The following NEGR1 variants were observed in gnomAD, a reference collection of about 807,000 sequenced individuals.
The protein encoded by NEGR1 is IgLON family member 4.
A neutral mutation model predicts 40.9 loss-of-function variants in NEGR1; 10 were observed. That is an observed-to-expected ratio of 0.24 (90% CI 0.15 to 0.42). The LOEUF (loss-of-function observed/expected upper bound fraction) is 0.42. Ranked by LOEUF, NEGR1 falls within the 10% of genes least tolerant of loss-of-function variation. The pLI, the probability that NEGR1 is intolerant of heterozygous loss-of-function variation, is 1.00. For missense variants in NEGR1, 352 were observed against 438.9 expected (o/e 0.80, Z 1.77); for synonymous variants, 185 against 166.8 (o/e 1.11, Z -0.84).
intron 6 of NEGR1, among the ~76,000 whole-genome samples, chr1:71,559,869 C>A (rs1033341781): frequency 2.6e-5 from 4 of 151,208 alleles, no homozygotes; most frequent in African/African-American, 9.7e-5. Context: ...ATTCCAAATG[C>A]TATGCGTATT....
At chr1:71,765,830 C>A (rs1419967607) in intron 3 of NEGR1, among the ~76,000 whole-genome samples, 1 of 152,116 alleles carries the variant, frequency 6.6e-6, no homozygotes, top group East Asian at 1.9e-4. Flanking sequence ...TACAAGTGAT[C>A]AATGACTGTT....
intron 1 of NEGR1, among the ~76,000 whole-genome samples, chr1:72,192,134 AT>A (rs1387029447): frequency 1.3e-5 from 2 of 151,926 alleles, no homozygotes; most frequent in East Asian, 3.9e-4. Flanking sequence ...TGCTTGGGAT[AT>A]TCATAGAGCT....
rs368971588 is a variant in NEGR1 at position 72,149,765 on chromosome 1, C to T, written c.176+132554G>A. 1.5e-4 allele frequency among the ~76,000 whole-genome samples: 23 copies of T among 151,252 alleles called. No homozygotes were observed. The East Asian group carries it at 4.3e-3, about 28-fold the overall frequency. On this transcript the variant is annotated intron_variant, in intron 1 of 6. Coordinates refer to ENST00000357731, the MANE Select transcript of NEGR1 (RefSeq NM_173808.3). ...GGCATAGTGGCACATGACTGTAACGCCAGCTACTCAGGAGGTGAGGCAGAA... is the reference window on the plus strand; with the variant it reads ...GGCATAGTGGCACATGACTGTAACGTCAGCTACTCAGGAGGTGAGGCAGAA...
At chr1:71,464,913 A>G (rs2101348426) in intron 6 of NEGR1, among the ~76,000 whole-genome samples, 1 of 152,218 alleles carries the variant, frequency 6.6e-6, no homozygotes, top group Non-Finnish European at 1.5e-5. Context: ...ACAGTTATGC[A>G]AGCGTAGAGT....
At chr1:72,143,991 G>A (rs1650808031) in intron 1 of NEGR1, among the ~76,000 whole-genome samples, 1 of 146,306 alleles carries the variant, frequency 6.8e-6, no homozygotes, top group Admixed American at 7.0e-5. Context: ...AAAGACCTGA[G>A]ATGGTCTCAA....
At chr1:71,614,874 A>T (rs1269015706) in intron 4 of NEGR1, among the ~76,000 whole-genome samples, 1 of 152,208 alleles carries the variant, frequency 6.6e-6, no homozygotes, top group Non-Finnish European at 1.5e-5. Flanking sequence ...TTTACCACAC[A>T]AGTTAAAGGG....
intron 2 of NEGR1, among the ~76,000 whole-genome samples, chr1:71,887,509 TA>T (rs1392471185): frequency 6.6e-6 from 1 of 152,220 alleles, no homozygotes; most frequent in African/African-American, 2.4e-5. Context: ...TTTTTTAATT[TA>T]TTTTTTCTTT....
At position 71,656,405 on chromosome 1, in the gene NEGR1, G is replaced by GT. The variant is rs1169738391; in HGVS notation, c.667+41602dup. Among the ~76,000 whole-genome samples the GT allele has an allele frequency of 5.2e-3, 785 of 151,790 alleles. 7 individuals are homozygous for GT. Among genetic ancestry groups the GT allele is most frequent in the African/African-American group, 0.013 (542 of 41,384 alleles). On this transcript the variant is annotated intron_variant, in intron 4 of 6. Coordinates refer to ENST00000357731, the MANE Select transcript of NEGR1 (RefSeq NM_173808.3). The stretch of plus-strand genomic sequence containing the variant: ...CTTTTTACATTGTTTGTTTGTTTTT[G>GT]TTTTTTGTTGTTGTTGTTGTTGTTT...
At chr1:72,195,448 C>A (rs575092481) in intron 1 of NEGR1, among the ~76,000 whole-genome samples, 3 of 151,624 alleles carry the variant, frequency 2.0e-5, no homozygotes, top group African/African-American at 4.8e-5. Context: ...ATTATTCTTC[C>A]GAAATGTAAT....
At chr1:71,935,863 A>C (rs898780712) in intron 1 of NEGR1, among the ~76,000 whole-genome samples, 2 of 151,982 alleles carry the variant, frequency 1.3e-5, no homozygotes, top group Non-Finnish European at 2.9e-5. Flanking sequence ...CGGTGGAAAA[A>C]TCTTGGCTCA....
chr1:71,569,634 G>A (rs1648747109), intron 6 of NEGR1, among the ~76,000 whole-genome samples: 1 of 152,068 alleles, frequency 6.6e-6, no homozygotes, highest in Non-Finnish European at 1.5e-5. Flanking sequence ...AGTTTTGTTG[G>A]GGTTACACAT....
rs531212075 is a variant in NEGR1, at chr1:72,064,534, C to T, written c.177-129223G>A. ...TGGCCCTGAGCACCAACGGCTTTCACTATGCTGGCCCTATTCTTTCAACAG... is the reference window on the plus strand; with the variant it reads ...TGGCCCTGAGCACCAACGGCTTTCATTATGCTGGCCCTATTCTTTCAACAG... On this transcript the variant is annotated intron_variant, in intron 1 of 6. Coordinates refer to ENST00000357731, the MANE Select transcript of NEGR1 (RefSeq NM_173808.3). 4.6e-5 allele frequency among the ~76,000 whole-genome samples: 7 copies of T among 152,228 alleles called. No individual in the cohort carries two copies. In the South Asian group the frequency reaches 1.4e-3, roughly 32 times the overall value.
At chr1:71,864,957 T>C (rs1398199156) in intron 2 of NEGR1, among the ~76,000 whole-genome samples, 2 of 152,156 alleles carry the variant, frequency 1.3e-5, no homozygotes, top group East Asian at 1.9e-4. Flanking sequence ...AGGGAATGTA[T>C]AGGCTATTTT....
chr1:72,196,920 C>T (rs1210958835), intron 1 of NEGR1, among the ~76,000 whole-genome samples: 1 of 151,922 alleles, frequency 6.6e-6, no homozygotes, highest in East Asian at 1.9e-4. Context: ...TTCTAATTTT[C>T]CTGTGTGCCA....
intron 2 of NEGR1, among the ~76,000 whole-genome samples, chr1:71,933,833 T>C (rs1418869348): frequency 6.6e-6 from 1 of 152,096 alleles, no homozygotes; most frequent in Non-Finnish European, 1.5e-5. Flanking sequence ...GTTAATTGTT[T>C]AAGAAGTTTA....
At chr1:71,684,340 C>T (rs1401671371) in intron 4 of NEGR1, among the ~76,000 whole-genome samples, 1 of 151,868 alleles carries the variant, frequency 6.6e-6, no homozygotes, top group Non-Finnish European at 1.5e-5. Context: ...CATTCTTTTC[C>T]TACGTAATCT....
At position 71,592,841 on chromosome 1, in the gene NEGR1, T is replaced by C. The variant is rs1649548486; in HGVS notation, c.916A>G (p.Thr306Ala). The C allele has an allele frequency of 1.9e-6, 3 of 1,613,292 alleles. No individual in the cohort carries two copies. Among genetic ancestry groups the C allele is most frequent in the Non-Finnish European group, 2.5e-6 (3 of 1,179,372 alleles). Reference sequence around the variant, plus strand: ...CGGTTAAGAGGCAGGCTCGCATTGGTTGTGCCTAGCTTGTTGGCAGCCACA... The same window carrying C: ...CGGTTAAGAGGCAGGCTCGCATTGGCTGTGCCTAGCTTGTTGGCAGCCACA... ...TCVAANKLGT[T>A]NASLPLNPPS... is the part of the protein sequence containing the mutation. Residue 306 changes from threonine (T) to alanine (A), a missense_variant, in exon 6 of 7, where the codon ACC (threonine) becomes GCC (alanine). Thr to Ala is a moderately conservative substitution (Grantham distance 58). This residue lies in a region of NEGR1 where 184 missense variants were observed against 208.7 expected (regional missense o/e 0.88). Transcript: ENST00000357731.
intron 4 of NEGR1, among the ~76,000 whole-genome samples, chr1:71,611,977 A>G (rs777525988): frequency 2.6e-5 from 4 of 152,164 alleles, no homozygotes; most frequent in Non-Finnish European, 5.9e-5. Flanking sequence ...AATCCCAGCA[A>G]TCTGGGAGGC....
intron 1 of NEGR1, among the ~76,000 whole-genome samples, chr1:72,246,356 A>C (rs1013719539): frequency 6.6e-6 from 1 of 152,130 alleles, no homozygotes; most frequent in South Asian, 2.1e-4. Flanking sequence ...TTACCTCCTG[A>C]TTTGCCTCCT....
Sources: gnomAD v4.1 joint callset for allele counts (sites outside exome capture counted in the v4.1 genomes callset) on GRCh38, gnomAD v4.1.1 for gene constraint, gnomAD v4.1.1 regional missense constraint, MANE v1.5 for transcripts, NCBI Gene and HGNC (gene_info 2026-07-23, HGNC 2026-07-21) for gene names.